NR2C2: variants seen among roughly 807,000 people sequenced by gnomAD.
NR2C2 encodes Nuclear hormone receptor TR4.
Under a neutral mutation model 62.9 loss-of-function variants are expected in NR2C2, and 6 were observed. The observed-to-expected ratio is 0.10, with a 90% CI of 0.05 to 0.19. The LOEUF is 0.19. NR2C2 is among the 10% of genes least tolerant of loss of function. NR2C2 has a pLI of 1.00. For missense variants in NR2C2, 479 were observed against 762.7 expected (o/e 0.63, Z 4.38); for synonymous variants, 272 against 273.8 (o/e 0.99, Z 0.07).
chr3:15,032,236 C>T (rs2041998375), intron 9 of NR2C2, 143 bp from the exon 10 acceptor site: 2 of 1,113,750 alleles, frequency 1.8e-6, no homozygotes, highest in South Asian at 1.4e-5. Context: ...TCCGTGCAAG[C>T]CCCCCGACTG....
intron 1 of NR2C2, among the ~76,000 whole-genome samples, chr3:14,970,911 T>C (rs1386530684): frequency 6.6e-6 from 1 of 152,246 alleles, no homozygotes; most frequent in East Asian, 1.9e-4. Context: ...CATATGCATT[T>C]GGTAGAAGCC....
chr3:15,002,705 G>A (rs1407793457), intron 1 of NR2C2, among the ~76,000 whole-genome samples: 1 of 141,852 alleles, frequency 7.0e-6, no homozygotes, highest in Non-Finnish European at 1.5e-5. Context: ...GTTGCCCAGG[G>A]TGGAGTACAA....
intron 1 of NR2C2, among the ~76,000 whole-genome samples, chr3:14,964,812 G>A (rs546986421): frequency 3.2e-4 from 49 of 151,938 alleles, no homozygotes; most frequent in African/African-American, 1.2e-3. Context: ...GTGAGCCACC[G>A]TGCCCGGCCA....
rs2042560832 is a variant in NR2C2, at chr3:15,049,193, G to A, written c.*6185G>A. 1 of 152,640 alleles carries A rather than the reference G, an allele frequency of 6.6e-6. No individual in the cohort carries two copies. The highest frequency in any genetic ancestry group is 2.1e-4 in the South Asian group (1 of 4,834). 9.5% of individuals were successfully genotyped at this position (152,640 alleles called of 1,614,324 possible). A position where few individuals can be genotyped will look rare whatever the true frequency, so the allele number is the denominator to read the frequency against. ...AGCTTTATGCATTTTATTAAATGCT[G>A]TTTCAATGTGGCATTATTGTTGTGG... On this transcript the variant is annotated 3_prime_UTR_variant, in exon 14 of 14. Transcript: ENST00000425241.
intron 1 of NR2C2, among the ~76,000 whole-genome samples, chr3:14,957,342 GCTTTTCACTGCAGTGAAGTCTGTGCCCTA>G (rs375573823): frequency 2.3e-3 from 354 of 152,270 alleles, no homozygotes; most frequent in African/African-American, 8.1e-3. Flanking sequence ...CCAGAGCCCA[GCTTTTCACTGCAGTGAAGTCTGTGCCCTA>G]CTTCACTAAA....
chr3:15,042,146 G>A (rs1479347218), intron 13 of NR2C2, among the ~76,000 whole-genome samples: 1 of 152,150 alleles, frequency 6.6e-6, no homozygotes, highest in Non-Finnish European at 1.5e-5. Context: ...AGTCCTGGCT[G>A]GGGAATGGCC....
In NR2C2 at chr3:15,047,139, T is replaced by G. The variant is rs999140577; in HGVS notation, c.*4131T>G. On this transcript the variant is annotated 3_prime_UTR_variant, in exon 14 of 14. Coordinates refer to ENST00000425241, the MANE Select transcript of NR2C2 (RefSeq NM_001291694.2). ...TAGATGTATATTATGTATACAGACA[T>G]GTATCCAAACTTTCCTTTAAAGAGA... 1 of 152,688 alleles carries G rather than the reference T, an allele frequency of 6.5e-6. No homozygotes were observed. The highest frequency in any genetic ancestry group is 2.1e-4 in the South Asian group (1 of 4,834). 9.5% of individuals were successfully genotyped at this position (152,688 alleles called of 1,614,324 possible).
intron 1 of NR2C2, 63 bp downstream of exon 1, chr3:14,947,969 G>C (rs974963110): frequency 1.3e-5 from 2 of 150,928 alleles, no homozygotes; most frequent in Non-Finnish European, 3.0e-5. Context: ...CCTGGCGCGC[G>C]GACATGGAGG....
intron 4 of NR2C2, among the ~76,000 whole-genome samples, chr3:15,018,992 G>A (rs1269272831): frequency 2.1e-5 from 3 of 141,598 alleles, no homozygotes; most frequent in East Asian, 4.0e-4. Flanking sequence ...TCCAGCCTGG[G>A]TGACAAAAGC....
intron 1 of NR2C2, among the ~76,000 whole-genome samples, chr3:14,986,639 C>T (rs1032785163): frequency 1.3e-5 from 2 of 152,124 alleles, no homozygotes; most frequent in Non-Finnish European, 2.9e-5. Context: ...TGAGGTATAC[C>T]TTTAGTGTCT....
At chr3:14,983,239 CA>C (rs1162240151) in intron 1 of NR2C2, among the ~76,000 whole-genome samples, 1 of 151,958 alleles carries the variant, frequency 6.6e-6, no homozygotes, top group Non-Finnish European at 1.5e-5. Context: ...ACCCATTAAC[CA>C]TCCCCGCCAC....
chr3:14,966,981 A>G (rs2039876116), intron 1 of NR2C2, among the ~76,000 whole-genome samples: 1 of 152,176 alleles, frequency 6.6e-6, no homozygotes, highest in African/African-American at 2.4e-5. Context: ...CGGAGAAGCC[A>G]TCTGGGCCTG....
intron 1 of NR2C2, among the ~76,000 whole-genome samples, chr3:15,002,559 A>G (rs1291799392): frequency 6.7e-6 from 1 of 149,772 alleles, no homozygotes; most frequent in African/African-American, 2.5e-5. Flanking sequence ...CTTTGGTTTC[A>G]GTATCAGGTA....
At chr3:15,038,350 A>G in intron 12 of NR2C2, 1 of 454,408 alleles carries the variant, frequency 2.2e-6, no homozygotes, top group South Asian at 3.8e-5. Context: ...GTGCCTGATG[A>G]TGTCACGCAC....
At chr3:15,029,572 T>C (rs948149860) in intron 8 of NR2C2, among the ~76,000 whole-genome samples, 1 of 152,188 alleles carries the variant, frequency 6.6e-6, no homozygotes, top group Non-Finnish European at 1.5e-5. Flanking sequence ...ATATGGATGG[T>C]CTTGGAAAAG....
In NR2C2 at chr3:15,045,374, AG is replaced by A. The variant is rs2042413269; in HGVS notation, c.*2368del. ...AGGCTGCTTAGACTCAGGCTGGATA[AG>A]GAAGTGTTGGGCTGTGGTGAAACAA... is the stretch of plus-strand genomic sequence containing the variant. On this transcript the variant is annotated 3_prime_UTR_variant, in exon 14 of 14. Transcript: ENST00000425241. 6.5e-6 allele frequency: 1 copy of A among 152,696 alleles called. No individual in the cohort carries two copies. The highest frequency in any genetic ancestry group is 1.5e-5 in the Non-Finnish European group (1 of 68,080). 9.5% of individuals were successfully genotyped at this position (152,696 alleles called of 1,614,324 possible). A position where few individuals can be genotyped will look rare whatever the true frequency, so the allele number is the denominator to read the frequency against.
intron 1 of NR2C2, among the ~76,000 whole-genome samples, chr3:15,001,395 C>T (rs1205868164): frequency 6.0e-5 from 8 of 133,042 alleles, no homozygotes; most frequent in Admixed American, 1.8e-4. Context: ...AATGCAATGG[C>T]GTGATCTTGG....
intron 2 of NR2C2, among the ~76,000 whole-genome samples, chr3:15,011,339 C>CA (rs1357592563): frequency 2.0e-5 from 3 of 151,160 alleles, no homozygotes; most frequent in South Asian, 4.2e-4. Flanking sequence ...ACTCTTGTCT[C>CA]AAAAAAAAGA....
intron 1 of NR2C2, among the ~76,000 whole-genome samples, chr3:14,967,109 G>A (rs2039880465): frequency 6.6e-6 from 1 of 152,002 alleles, no homozygotes; most frequent in Non-Finnish European, 1.5e-5. Flanking sequence ...TTGGGACTTT[G>A]TTCATTTCAT....
Sources: allele counts gnomAD v4.1 joint callset (sites outside exome capture counted in the v4.1 genomes callset), GRCh38; gene constraint gnomAD v4.1.1; transcripts MANE v1.5; gene names NCBI Gene and HGNC (gene_info 2026-07-23, HGNC 2026-07-21).